TBCK: variants seen among roughly 807,000 people sequenced by gnomAD.
The protein encoded by TBCK is TBC1 domain containing kinase.
A neutral mutation model predicts 113.4 loss-of-function variants in TBCK; 99 were observed. The observed-to-expected ratio is 0.87, with a 90% CI of 0.74 to 1.03. TBCK has a LOEUF of 1.03. TBCK is among the 50% of genes least tolerant of loss of function. The pLI is 0.00. For synonymous variants in TBCK, 369 were observed against 370.8 expected (o/e 1.00, Z 0.05); for missense variants, 1,045 against 1,061.3 (o/e 0.98, Z 0.21).
intron 3 of TBCK, among the ~76,000 whole-genome samples, chr4:106,290,238 C>T (rs1209009401): frequency 6.6e-5 from 10 of 152,080 alleles, no homozygotes; most frequent in Non-Finnish European, 1.2e-4. Flanking sequence ...AGTGCAGTGG[C>T]GTGATCTCGG....
intron 20 of TBCK, among the ~76,000 whole-genome samples, chr4:106,204,401 C>G (rs1755217617): frequency 6.6e-6 from 1 of 152,206 alleles, no homozygotes; most frequent in South Asian, 2.1e-4. Flanking sequence ...CGGGGTCCAC[C>G]AATTCAAAGC....
At chr4:106,145,500 G>A (rs933757281) in intron 23 of TBCK, among the ~76,000 whole-genome samples, 2 of 152,152 alleles carry the variant, frequency 1.3e-5, no homozygotes, top group Non-Finnish European at 2.9e-5. Context: ...GAGATATGGA[G>A]GGTTCAGTCC....
At chr4:106,213,628 G>T (rs1756450130) in intron 19 of TBCK, 1 of 154,036 alleles carries the variant, frequency 6.5e-6, no homozygotes, top group Non-Finnish European at 1.4e-5. Flanking sequence ...GGACAATCGG[G>T]TCACTCCCAC....
At chr4:106,264,647 C>T (rs1046436919) in intron 3 of TBCK, among the ~76,000 whole-genome samples, 1 of 151,896 alleles carries the variant, frequency 6.6e-6, no homozygotes, top group Non-Finnish European at 1.5e-5. Context: ...GAAACCTAGG[C>T]CACTTAAACC....
chr4:106,160,208 T>C (rs145670528), intron 23 of TBCK, among the ~76,000 whole-genome samples: 207 of 152,192 alleles, frequency 1.4e-3, no homozygotes, highest in Middle Eastern at 3.4e-3. Flanking sequence ...TTCATGATAC[T>C]GGAGTTGGCA....
At chr4:106,216,577 T>C (rs999270251) in intron 19 of TBCK, among the ~76,000 whole-genome samples, 14 of 152,162 alleles carry the variant, frequency 9.2e-5, no homozygotes, top group Non-Finnish European at 1.5e-4. Flanking sequence ...CATCAGAGAA[T>C]ACTACAAACA....
At chr4:106,211,571 C>T (rs972165214) in intron 20 of TBCK, among the ~76,000 whole-genome samples, 3 of 151,944 alleles carry the variant, frequency 2.0e-5, no homozygotes, top group African/African-American at 7.2e-5. Context: ...CCCCAGGTCT[C>T]AATATAAAAT....
intron 3 of TBCK, among the ~76,000 whole-genome samples, chr4:106,280,518 TAG>T (rs1334385672): frequency 6.6e-6 from 1 of 152,084 alleles, no homozygotes; most frequent in Non-Finnish European, 1.5e-5. Context: ...GATGTCCTAG[TAG>T]AGAGTTTTCA....
chr4:106,293,675 T>C (rs1162779557), intron 3 of TBCK, among the ~76,000 whole-genome samples: 3 of 152,186 alleles, frequency 2.0e-5, no homozygotes, highest in Non-Finnish European at 2.9e-5. Flanking sequence ...GGAGCAATAA[T>C]AGCACTTTTA....
intron 20 of TBCK, among the ~76,000 whole-genome samples, chr4:106,211,899 A>C (rs1756179248): frequency 6.6e-6 from 1 of 152,030 alleles, no homozygotes; most frequent in Admixed American, 6.5e-5. Flanking sequence ...TCCTACTTTA[A>C]TGATATGTAA....
chr4:106,131,111 G>C (rs1745862716), intron 23 of TBCK, among the ~76,000 whole-genome samples: 2 of 152,128 alleles, frequency 1.3e-5, no homozygotes, highest in Non-Finnish European at 2.9e-5. Flanking sequence ...ATGGTAGTGA[G>C]TAAGTCTCAC....
At chr4:106,288,742 G>A (rs746779168) in intron 3 of TBCK, among the ~76,000 whole-genome samples, 19 of 152,274 alleles carry the variant, frequency 1.2e-4, no homozygotes, top group Admixed American at 4.6e-4. Flanking sequence ...TTAACAGGTT[G>A]AGCATCCCTA....
chr4:106,220,132 C>T (rs1258745210), intron 19 of TBCK, among the ~76,000 whole-genome samples: 5 of 152,062 alleles, frequency 3.3e-5, no homozygotes, highest in Non-Finnish European at 5.9e-5. Context: ...GGCTGTGTCC[C>T]CACCCAAATC....
chr4:106,312,914 G>A lies in TBCK; in HGVS notation c.-30+3017C>T, dbSNP rs570860859. Among the ~76,000 whole-genome samples, 5 of 152,280 alleles carry A rather than the reference G, an allele frequency of 3.3e-5. No homozygotes were observed. The South Asian group carries it at 6.2e-4, about 19-fold the overall frequency. On this transcript the variant is annotated intron_variant, in intron 1 of 25. Transcript: ENST00000394708. ...AATAAAAAAATCAGAAGATAGTACTGTAGATGGGGGAGAGGGGTTGAATAA... is the reference window on the plus strand; with the variant it reads ...AATAAAAAAATCAGAAGATAGTACTATAGATGGGGGAGAGGGGTTGAATAA...
intron 10 of TBCK, among the ~76,000 whole-genome samples, 154 bp from the exon 11 acceptor site, chr4:106,244,918 C>T (rs910844497): frequency 3.3e-5 from 5 of 152,164 alleles, no homozygotes; most frequent in Non-Finnish European, 5.9e-5. Context: ...AAATTTGCTA[C>T]TCCATCCTAA....
chr4:106,199,975 T>C (rs1754692413), intron 20 of TBCK, among the ~76,000 whole-genome samples: 1 of 152,180 alleles, frequency 6.6e-6, no homozygotes, highest in African/African-American at 2.4e-5. Flanking sequence ...ATCAGTGGCT[T>C]TCCACCTCTA....
At chr4:106,054,117 G>A (rs549203079) in intron 25 of TBCK, among the ~76,000 whole-genome samples, 5 of 151,654 alleles carry the variant, frequency 3.3e-5, no homozygotes, top group South Asian at 2.1e-4. Context: ...GCATTTTAAC[G>A]GCCTGTAGCT....
chr4:106,051,661 C>A (rs1734827033), intron 25 of TBCK, among the ~76,000 whole-genome samples: 1 of 151,796 alleles, frequency 6.6e-6, no homozygotes, highest in African/African-American at 2.4e-5. Flanking sequence ...CATGGCTAGG[C>A]TGATGCTTCA....
intron 19 of TBCK, chr4:106,213,519 C>T (rs28624352): frequency 9.5e-5 from 15 of 157,122 alleles, no homozygotes; most frequent in Non-Finnish European, 1.2e-4. Context: ...GCGCACCGTG[C>T]GCGAGCCAAA....
Sources: allele counts gnomAD v4.1 joint callset (sites outside exome capture counted in the v4.1 genomes callset), GRCh38; gene constraint gnomAD v4.1.1; transcripts MANE v1.5; gene names NCBI Gene and HGNC (gene_info 2026-07-23, HGNC 2026-07-21).